The following CTNNBL1 variants were observed in gnomAD, a reference collection of about 807,000 sequenced individuals.
CTNNBL1 encodes beta-catenin-like protein 1.
In CTNNBL1, 31 loss-of-function variants were observed where a neutral mutation model predicts 72.7. The ratio of observed to expected loss-of-function variants is 0.43; its 90% confidence interval spans 0.32 to 0.58. The LOEUF (loss-of-function observed/expected upper bound fraction) is 0.58. Ranked by LOEUF, CTNNBL1 falls within the 20% of genes least tolerant of loss-of-function variation. The pLI is 0.08. For synonymous variants in CTNNBL1, 240 were observed against 267.3 expected, an observed-to-expected ratio of 0.90 and a Z score of 1.00; for missense variants, 534 against 725.1, an observed-to-expected ratio of 0.74 and a Z score of 3.03.
intron 11 of CTNNBL1, among the ~76,000 whole-genome samples, chr20:37,821,443 T>G (rs1210632578): frequency 6.6e-6 from 1 of 152,086 alleles, no homozygotes; most frequent in Non-Finnish European, 1.5e-5. Flanking sequence ...TATACAAAGG[T>G]GGAGAAAATT....
At chr20:37,828,421 T>A (rs551515752) in intron 11 of CTNNBL1, among the ~76,000 whole-genome samples, 85 of 152,316 alleles carry the variant, frequency 5.6e-4, no homozygotes, top group African/African-American at 2.0e-3. Flanking sequence ...TTGGGTATAT[T>A]TTAACTCTTG....
chr20:37,846,057 G>A (rs1173058043), intron 13 of CTNNBL1, among the ~76,000 whole-genome samples: 2 of 152,186 alleles, frequency 1.3e-5, no homozygotes, highest in Non-Finnish European at 2.9e-5. Flanking sequence ...AATGTGCAAG[G>A]CCAGGCACCA....
At chr20:37,799,324 G>A (rs1002620551) in intron 10 of CTNNBL1, among the ~76,000 whole-genome samples, 3 of 152,114 alleles carry the variant, frequency 2.0e-5, no homozygotes, top group South Asian at 2.1e-4. Flanking sequence ...CTGACAGCAC[G>A]TGTGGAGCCT....
intron 7 of CTNNBL1, among the ~76,000 whole-genome samples, chr20:37,769,183 C>G (rs1309815336): frequency 3.3e-5 from 5 of 152,272 alleles, no homozygotes; most frequent in Non-Finnish European, 5.9e-5. Flanking sequence ...GATCCTATCC[C>G]CCACAGATAA....
intron 15 of CTNNBL1, among the ~76,000 whole-genome samples, chr20:37,863,475 G>C (rs2072509438): frequency 6.6e-6 from 1 of 152,200 alleles, no homozygotes; most frequent in Non-Finnish European, 1.5e-5. Context: ...CACGGAGGCA[G>C]TTATGTAAGC....
chr20:37,759,955 A>G (rs79635350), intron 5 of CTNNBL1, among the ~76,000 whole-genome samples: 154 of 152,322 alleles, frequency 1.0e-3, no homozygotes, highest in Non-Finnish European at 2.0e-3. Flanking sequence ...GGCAGAATTT[A>G]TTGTGGTGTG....
intron 1 of CTNNBL1, among the ~76,000 whole-genome samples, chr20:37,724,120 C>T (rs983454037): frequency 2.6e-5 from 4 of 152,196 alleles, no homozygotes; most frequent in African/African-American, 9.7e-5. Context: ...CTGAGCATTT[C>T]AATTTGGTTA....
chr20:37,811,383 G>A (rs1024622045), intron 11 of CTNNBL1, among the ~76,000 whole-genome samples: 6 of 152,208 alleles, frequency 3.9e-5, no homozygotes, highest in African/African-American at 1.4e-4. Context: ...ATGGCATTAA[G>A]CCATGTACTA....
intron 3 of CTNNBL1, among the ~76,000 whole-genome samples, chr20:37,745,146 A>C (rs1289007139): frequency 6.6e-6 from 1 of 152,220 alleles, no homozygotes; most frequent in African/African-American, 2.4e-5. Context: ...ATATTAATGG[A>C]GAAAAACAGT....
intron 1 of CTNNBL1, among the ~76,000 whole-genome samples, chr20:37,729,433 A>T (rs2073111353): frequency 6.6e-6 from 1 of 152,166 alleles, no homozygotes; most frequent in African/African-American, 2.4e-5. Context: ...TGTTTGTTTT[A>T]AAGAAGAGGA....
intron 15 of CTNNBL1, among the ~76,000 whole-genome samples, chr20:37,863,958 C>T (rs1422297025): frequency 2.6e-5 from 4 of 152,186 alleles, no homozygotes; most frequent in African/African-American, 7.2e-5. Context: ...GCCTCACCCA[C>T]GGCAGGGGAA....
chr20:37,705,124 T>G (rs909630230), intron 1 of CTNNBL1, among the ~76,000 whole-genome samples: 2 of 152,252 alleles, frequency 1.3e-5, no homozygotes, highest in African/African-American at 4.8e-5. Context: ...ATGTTTAGCT[T>G]AGTGCATGAA....
Position 37,785,680 on chromosome 20 carries a change from C to T in CTNNBL1, c.1031+6345C>T, listed in dbSNP as rs140536687. ...CAAATTTCATAAAGCTTCCTCAAAACGCTATTTTGAATTTTTTATCTGAAA... is the reference window on the plus strand; with the variant it reads ...CAAATTTCATAAAGCTTCCTCAAAATGCTATTTTGAATTTTTTATCTGAAA... On this transcript the variant is annotated intron_variant, in intron 10 of 15. Coordinates refer to ENST00000361383, the MANE Select transcript of CTNNBL1 (RefSeq NM_030877.5). Among the ~76,000 whole-genome samples the T allele has an allele frequency of 7.5e-3, 1,148 of 152,232 alleles. 11 individuals carry two copies. Among genetic ancestry groups the T allele is most frequent in the African/African-American group, 0.026 (1,064 of 41,514 alleles).
chr20:37,865,551 T>C (rs1490508074), intron 15 of CTNNBL1, among the ~76,000 whole-genome samples: 1 of 152,170 alleles, frequency 6.6e-6, no homozygotes, highest in Non-Finnish European at 1.5e-5. Context: ...GCATTCTGTC[T>C]CTGTGGCTGC....
At chr20:37,734,488 A>G (rs557520960) in intron 2 of CTNNBL1, among the ~76,000 whole-genome samples, 9 of 152,204 alleles carry the variant, frequency 5.9e-5, no homozygotes, top group Non-Finnish European at 7.4e-5. Context: ...CAAGGCTGGT[A>G]CTGGAGGATT....
intron 11 of CTNNBL1, among the ~76,000 whole-genome samples, chr20:37,811,874 G>A (rs750720372): frequency 2.0e-5 from 3 of 152,216 alleles, no homozygotes; most frequent in African/African-American, 4.8e-5. Context: ...CATTTCTGTC[G>A]TCTTTTCACA....
chr20:37,845,059 A>G (rs948817625), intron 13 of CTNNBL1, among the ~76,000 whole-genome samples: 2 of 152,220 alleles, frequency 1.3e-5, no homozygotes, highest in East Asian at 3.8e-4. Context: ...TGCTGCTAGA[A>G]TTTCCTAGCT....
At chr20:37,703,583 C>T (rs1425586215) in intron 1 of CTNNBL1, among the ~76,000 whole-genome samples, 1 of 152,146 alleles carries the variant, frequency 6.6e-6, no homozygotes, top group Non-Finnish European at 1.5e-5. Context: ...AGTTCACCGT[C>T]CCTGATTAAT....
chr20:37,812,288 A>G (rs1600503578), intron 11 of CTNNBL1, among the ~76,000 whole-genome samples: 3 of 152,304 alleles, frequency 2.0e-5, no homozygotes, highest in South Asian at 2.1e-4. Context: ...CCTTCTTTCA[A>G]AAAAGAATGG....
Sources: allele counts gnomAD v4.1 joint callset (sites outside exome capture counted in the v4.1 genomes callset), GRCh38; gene constraint gnomAD v4.1.1; transcripts MANE v1.5; gene names NCBI Gene and HGNC (gene_info 2026-07-23, HGNC 2026-07-21).